The following FRMD3 variants were observed in gnomAD, a reference collection of about 807,000 sequenced individuals.
FRMD3 encodes FERM domain containing 3.
FRMD3 carries 33 observed loss-of-function variants against 70.2 expected under a neutral mutation model. That is an observed-to-expected ratio of 0.47 (90% confidence interval 0.36 to 0.63). The LOEUF (loss-of-function observed/expected upper bound fraction) is 0.63, where lower values mean the gene tolerates loss of function less well. Ranked by LOEUF, FRMD3 falls within the 20% of genes least tolerant of loss-of-function variation. The pLI is 0.00. For missense variants in FRMD3, 632 were observed against 711.4 expected, an observed-to-expected ratio of 0.89 and a Z score of 1.27; for synonymous variants, 279 against 255.9, an observed-to-expected ratio of 1.09 and a Z score of -0.86.
chr9:83,314,722 G>T (rs1835496020), intron 6 of FRMD3, among the ~76,000 whole-genome samples: 3 of 152,034 alleles, frequency 2.0e-5, no homozygotes, highest in Admixed American at 1.3e-4. Flanking sequence ...GTATGTCTAG[G>T]GAGCATCTTT....
chr9:83,335,623 G>A lies in FRMD3; in HGVS notation c.489C>T (p.Tyr163=), dbSNP rs746917345. 2.0e-5 allele frequency: 32 copies of A among 1,612,402 alleles called. No homozygotes were observed. Among genetic ancestry groups the A allele is most frequent in the East Asian group, 1.1e-4 (5 of 44,848 alleles). ...ACIVQAELGD[Y]DPDEHPENYI... is the part of the protein sequence containing the mutation. ...AATTCTCAGGATGCTCATCAGGATC[G>A]TAATCACCAAGCTCAGCTGTAATGA... is the stretch of plus-strand genomic sequence containing the variant. Residue 163 remains tyrosine, a synonymous_variant, in exon 6 of 14, where the codon TAC becomes TAT. Coordinates refer to ENST00000304195, the MANE Select transcript of FRMD3 (RefSeq NM_174938.6).
At chr9:83,466,964 C>G (rs1197704208) in intron 1 of FRMD3, among the ~76,000 whole-genome samples, 1 of 152,180 alleles carries the variant, frequency 6.6e-6, no homozygotes, top group African/African-American at 2.4e-5. Flanking sequence ...TCACATTGCA[C>G]ATCGACAGGC....
At chr9:83,380,757 C>T (rs756994381) in intron 2 of FRMD3, among the ~76,000 whole-genome samples, 1 of 152,154 alleles carries the variant, frequency 6.6e-6, no homozygotes, top group African/African-American at 2.4e-5. Flanking sequence ...GAATAAATTA[C>T]GCACTTCTCT....
At chr9:83,377,046 T>C (rs1382343571) in intron 2 of FRMD3, among the ~76,000 whole-genome samples, 5 of 152,208 alleles carry the variant, frequency 3.3e-5, no homozygotes, top group African/African-American at 9.6e-5. Context: ...AGGACATAAC[T>C]ACTTGCTTGG....
At chr9:83,541,966 T>A (rs1315671955), upstream of FRMD3, among the ~76,000 whole-genome samples, 2 of 152,244 alleles carry the variant, frequency 1.3e-5, no homozygotes, top group African/African-American at 4.8e-5. Flanking sequence ...TTTTTACCGA[T>A]TGGGTCCCAC....
intron 3 of FRMD3, among the ~76,000 whole-genome samples, chr9:83,360,302 A>G (rs1162519947): frequency 6.6e-6 from 1 of 152,184 alleles, no homozygotes; most frequent in Non-Finnish European, 1.5e-5. Flanking sequence ...AAATTCAACT[A>G]CTTACATAAC....
intron 6 of FRMD3, among the ~76,000 whole-genome samples, chr9:83,328,045 G>A (rs1407035984): frequency 6.6e-6 from 1 of 152,176 alleles, no homozygotes; most frequent in Non-Finnish European, 1.5e-5. Context: ...CAGGGACAAG[G>A]CTTATAGGAG....
At chr9:83,385,350 T>C (rs1056329739) in intron 2 of FRMD3, among the ~76,000 whole-genome samples, 7 of 152,200 alleles carry the variant, frequency 4.6e-5, no homozygotes, top group Non-Finnish European at 8.8e-5. Context: ...AAGATGAATG[T>C]TGTAGAAACT....
intron 1 of FRMD3, among the ~76,000 whole-genome samples, chr9:83,393,336 T>C (rs960331248): frequency 2.6e-5 from 4 of 152,224 alleles, no homozygotes; most frequent in African/African-American, 9.6e-5. Context: ...ATGTGACCCA[T>C]GGACTATGCC....
intron 2 of FRMD3, among the ~76,000 whole-genome samples, chr9:83,377,782 A>G (rs1439613096): frequency 6.6e-6 from 1 of 152,122 alleles, no homozygotes; most frequent in East Asian, 1.9e-4. Flanking sequence ...GTTTTCTTAT[A>G]AATTACCCAG....
chr9:83,336,601 A>G (rs1462285609), intron 5 of FRMD3, among the ~76,000 whole-genome samples: 1 of 146,358 alleles, frequency 6.8e-6, no homozygotes, highest in Non-Finnish European at 1.5e-5. Flanking sequence ...AGGAGTATAC[A>G]TCTAAAACAG....
intron 13 of FRMD3, chr9:83,267,125 A>C: frequency 5.2e-6 from 8 of 1,550,648 alleles, no homozygotes; most frequent in Non-Finnish European, 7.0e-6. Context: ...GATCTTGACC[A>C]AGCATTTTGC....
intron 1 of FRMD3, among the ~76,000 whole-genome samples, chr9:83,428,145 G>A (rs1826865874): frequency 6.6e-6 from 1 of 152,178 alleles, no homozygotes; most frequent in Non-Finnish European, 1.5e-5. Context: ...GGGAGGCCAA[G>A]GCAGGTGGAT....
chr9:83,497,724 G>A (rs1828973129), intron 1 of FRMD3, among the ~76,000 whole-genome samples: 1 of 152,204 alleles, frequency 6.6e-6, no homozygotes, highest in Non-Finnish European at 1.5e-5. Context: ...AGGGACTTTG[G>A]TGGCTTCCAT....
At chr9:83,419,831 T>G (rs566281709) in intron 1 of FRMD3, among the ~76,000 whole-genome samples, 1 of 152,228 alleles carries the variant, frequency 6.6e-6, no homozygotes, top group Admixed American at 6.5e-5. Context: ...TGTTTTACAA[T>G]TGTTGTTGTT....
chr9:83,363,466 A>T (rs1824675602), intron 3 of FRMD3, among the ~76,000 whole-genome samples: 1 of 151,120 alleles, frequency 6.6e-6, no homozygotes. Context: ...TGTAATAAAC[A>T]CCCTTGCATA....
intron 1 of FRMD3, among the ~76,000 whole-genome samples, chr9:83,418,321 A>G (rs1204019156): frequency 6.6e-6 from 1 of 152,168 alleles, no homozygotes; most frequent in East Asian, 1.9e-4. Context: ...AAAAAGAAAT[A>G]ATCAGCAGAG....
chr9:83,500,381 T>C (rs1829035702), intron 1 of FRMD3, among the ~76,000 whole-genome samples: 1 of 152,170 alleles, frequency 6.6e-6, no homozygotes, highest in African/African-American at 2.4e-5. Context: ...AATTTTTCTA[T>C]ATGCCTACAA....
rs574369392 is a variant in FRMD3 at position 83,329,950 on chromosome 9, A to G, written c.596+5566T>C. On this transcript the variant is annotated intron_variant, in intron 6 of 13. Transcript: ENST00000304195. ...ATCAGGGTTCTTTATGGTAAAAGCAATCTTATTCTTGATCTTAAACCCCTT... is the reference window on the plus strand; with the variant it reads ...ATCAGGGTTCTTTATGGTAAAAGCAGTCTTATTCTTGATCTTAAACCCCTT... Among the ~76,000 whole-genome samples, 11 of 152,316 alleles carry G rather than the reference A, an allele frequency of 7.2e-5. No homozygotes were observed. The South Asian group carries it at 1.5e-3, about 20-fold the overall frequency.
Sources: gnomAD v4.1 joint callset for allele counts (sites outside exome capture counted in the v4.1 genomes callset) on GRCh38, gnomAD v4.1.1 for gene constraint, MANE v1.5 for transcripts, NCBI Gene and HGNC (gene_info 2026-07-23, HGNC 2026-07-21) for gene names.